Variants in KLF12 observed in about 807,000 individuals in gnomAD.
KLF12 encodes KLF transcription factor 12.
In KLF12, 9 loss-of-function variants were observed where a neutral mutation model predicts 37.8. That is an observed-to-expected ratio of 0.24 (90% CI 0.14 to 0.42). KLF12 has a LOEUF of 0.42. KLF12 is among the 10% of genes least tolerant of loss of function. The probability of loss-of-function intolerance (pLI) is 1.00; values close to 1 mark genes in which losing one functional copy is unlikely to be tolerated. For missense variants in KLF12, 411 were observed against 516.0 expected, an observed-to-expected ratio of 0.80 and a Z score of 1.97; for synonymous variants, 208 against 202.1, an observed-to-expected ratio of 1.03 and a Z score of -0.25.
chr13:73,901,635 G>T (rs942293784), intron 3 of KLF12, among the ~76,000 whole-genome samples: 1 of 151,946 alleles, frequency 6.6e-6, no homozygotes, highest in African/African-American at 2.4e-5. Flanking sequence ...AGCAGCCCCT[G>T]ACTAATAGGT....
the KLF12 span, among the ~76,000 whole-genome samples, chr13:74,174,943 G>A: frequency 6.6e-6 from 1 of 152,194 alleles, no homozygotes; most frequent in Non-Finnish European, 1.5e-5. Flanking sequence ...TATGTGGTCA[G>A]TAACAATGGC....
chr13:74,153,136 T>TTTC, the KLF12 span, among the ~76,000 whole-genome samples: 1 of 151,970 alleles, frequency 6.6e-6, no homozygotes, highest in Non-Finnish European at 1.5e-5. Flanking sequence ...ATGCTTTTTT[T>TTTC]CTCCTCCATT....
chr13:74,230,786 G>C, the KLF12 span, among the ~76,000 whole-genome samples: 2 of 152,170 alleles, frequency 1.3e-5, no homozygotes, highest in African/African-American at 4.8e-5. Context: ...TAAACCTGGT[G>C]CTTGTTTCTC....
chr13:74,202,106 G>T, the KLF12 span, among the ~76,000 whole-genome samples: 3 of 152,076 alleles, frequency 2.0e-5, no homozygotes, highest in East Asian at 5.8e-4. Context: ...GGAAAGAAAA[G>T]AAAATACAAA....
chr13:73,877,010 C>T (rs1886738791), intron 3 of KLF12, among the ~76,000 whole-genome samples: 1 of 147,002 alleles, frequency 6.8e-6, no homozygotes, highest in Admixed American at 6.8e-5. Flanking sequence ...GAGACTCCGT[C>T]TCAAAAAAAA....
chr13:73,760,283 GA>G (rs985220353), intron 6 of KLF12, among the ~76,000 whole-genome samples: 23 of 152,198 alleles, frequency 1.5e-4, no homozygotes, highest in Non-Finnish European at 2.8e-4. Context: ...ATTGGTTAGA[GA>G]AAACTACAAA....
the KLF12 span, among the ~76,000 whole-genome samples, chr13:74,284,336 A>G: frequency 6.6e-6 from 1 of 152,156 alleles, no homozygotes. Context: ...ATTCCTTAAG[A>G]CAAACTCAGA....
At chr13:73,993,519 C>T (rs370859961) in intron 2 of KLF12, among the ~76,000 whole-genome samples, 1 of 151,972 alleles carries the variant, frequency 6.6e-6, no homozygotes, top group South Asian at 2.1e-4. Context: ...AATTTAATGA[C>T]AACTGAACAA....
chr13:74,268,319 G>A, the KLF12 span, among the ~76,000 whole-genome samples: 2 of 152,124 alleles, frequency 1.3e-5, no homozygotes, highest in Non-Finnish European at 2.9e-5. Context: ...TGTGCCAACT[G>A]AAAAACACCT....
intron 4 of KLF12, among the ~76,000 whole-genome samples, chr13:73,814,543 G>C (rs980150152): frequency 6.6e-6 from 1 of 152,158 alleles, no homozygotes; most frequent in East Asian, 1.9e-4. Flanking sequence ...TACATCTAGT[G>C]AACCTCGTGT....
the KLF12 span, among the ~76,000 whole-genome samples, chr13:74,157,587 T>A: frequency 6.6e-6 from 1 of 152,172 alleles, no homozygotes; most frequent in Non-Finnish European, 1.5e-5. Context: ...CTCAAAGTGA[T>A]CACTGGAGGT....
intron 3 of KLF12, among the ~76,000 whole-genome samples, chr13:73,920,127 A>G (rs146383842): frequency 6.6e-6 from 1 of 152,328 alleles, no homozygotes; most frequent in Non-Finnish European, 1.5e-5. Context: ...CAGCAGTGCC[A>G]ATACTATGAG....
intron 2 of KLF12, among the ~76,000 whole-genome samples, chr13:73,946,828 T>C (rs1485304215): frequency 6.6e-6 from 1 of 152,178 alleles, no homozygotes; most frequent in Non-Finnish European, 1.5e-5. Flanking sequence ...CTAACCTCAA[T>C]CCTCATAAAC....
intron 5 of KLF12, among the ~76,000 whole-genome samples, chr13:73,781,903 C>T (rs1412814955): frequency 6.6e-6 from 1 of 152,152 alleles, no homozygotes; most frequent in Non-Finnish European, 1.5e-5. Context: ...CTCTTTCATT[C>T]TTGCCCTGGG....
At chr13:73,824,325 C>A (rs1330224819) in intron 4 of KLF12, among the ~76,000 whole-genome samples, 3 of 152,136 alleles carry the variant, frequency 2.0e-5, no homozygotes, top group African/African-American at 4.8e-5. Context: ...AGGATTCTAA[C>A]TTGGAACTTA....
chr13:73,796,810 C>T (rs1882000451), intron 5 of KLF12, among the ~76,000 whole-genome samples: 1 of 152,122 alleles, frequency 6.6e-6, no homozygotes, highest in Non-Finnish European at 1.5e-5. Flanking sequence ...TAAAAACAAT[C>T]CAAATGTCCA....
the KLF12 span, among the ~76,000 whole-genome samples, chr13:74,141,433 A>C: frequency 2.6e-5 from 4 of 152,206 alleles, no homozygotes; most frequent in South Asian, 6.2e-4. Flanking sequence ...AAATAAGAGG[A>C]AACAAGGGAG....
the KLF12 span, among the ~76,000 whole-genome samples, chr13:74,268,809 AG>A: frequency 6.6e-6 from 1 of 152,206 alleles, no homozygotes; most frequent in Non-Finnish European, 1.5e-5. Flanking sequence ...TGCATCCACC[AG>A]GCATTGTAAC....
At chr13:73,903,396 G>T (rs7984861) in intron 3 of KLF12, among the ~76,000 whole-genome samples, 7,151 of 151,922 alleles carry the variant, frequency 0.047, 386 homozygotes, top group African/African-American at 0.13. Flanking sequence ...AAATAAAAGG[G>T]AATGACAAAT....
Sources: allele counts gnomAD v4.1 joint callset (sites outside exome capture counted in the v4.1 genomes callset), GRCh38; gene constraint gnomAD v4.1.1; transcripts MANE v1.5; gene names NCBI Gene and HGNC (gene_info 2026-07-23, HGNC 2026-07-21).